The following WWOX variants were observed in gnomAD, a reference collection of about 807,000 sequenced individuals.
The protein encoded by WWOX is WW domain-containing oxidoreductase.
A neutral mutation model predicts 46.2 loss-of-function variants in WWOX; 69 were observed. That is an observed-to-expected ratio of 1.49 (90% CI 1.23 to 1.82). The LOEUF (loss-of-function observed/expected upper bound fraction) is 1.82, where lower values mean the gene tolerates loss of function less well. Ranked by LOEUF, WWOX falls within the 40% of genes most tolerant of loss-of-function variation. The pLI is 0.00. For synonymous variants in WWOX, 359 were observed against 202.6 expected, an observed-to-expected ratio of 1.77 and a Z score of -6.56; for missense variants, 919 against 542.6, an observed-to-expected ratio of 1.69 and a Z score of -6.89.
At chr16:78,468,073 C>G (rs964438591) in intron 8 of WWOX, among the ~76,000 whole-genome samples, 1 of 152,128 alleles carries the variant, frequency 6.6e-6, no homozygotes, top group Non-Finnish European at 1.5e-5. Context: ...CCAATCAAAA[C>G]TGACATTTTC....
At chr16:78,186,158 T>C (rs2035696221) in intron 5 of WWOX, among the ~76,000 whole-genome samples, 2 of 152,272 alleles carry the variant, frequency 1.3e-5, no homozygotes, top group Non-Finnish European at 2.9e-5. Flanking sequence ...ATTTTTATAT[T>C]AGTTCCATGC....
intron 8 of WWOX, among the ~76,000 whole-genome samples, chr16:78,993,118 G>T (rs186970108): frequency 6.6e-6 from 1 of 152,042 alleles, no homozygotes; most frequent in Admixed American, 6.6e-5. Flanking sequence ...TGTGATGTGT[G>T]TTTAAATTAC....
In WWOX at chr16:78,609,518, GT is replaced by G. The variant is rs2548878; in HGVS notation, c.1056+176777del. Among the ~76,000 whole-genome samples the G allele has an allele frequency of 1.6e-3, 233 of 146,714 alleles. 2 individuals carry two copies. In the East Asian group the frequency reaches 0.023, roughly 15 times the overall value. ...TCTGGTCAAGTCACATGCCTCTGAG[GT>G]TTTTTTTTTTCTTTCTTTCTTTTCT... On this transcript the variant is annotated intron_variant, in intron 8 of 8. Coordinates refer to ENST00000566780, the MANE Select transcript of WWOX (RefSeq NM_016373.4).
chr16:79,194,277 C>T (rs1044988027), intron 8 of WWOX, among the ~76,000 whole-genome samples: 10 of 152,094 alleles, frequency 6.6e-5, no homozygotes, highest in African/African-American at 2.2e-4. Flanking sequence ...ATATATTTTT[C>T]CTTTGGCCTT....
At chr16:78,852,536 T>C (rs553671529) in intron 8 of WWOX, among the ~76,000 whole-genome samples, 2 of 152,214 alleles carry the variant, frequency 1.3e-5, no homozygotes, top group East Asian at 1.9e-4. Context: ...CTTTAAACTT[T>C]TGGATGACCA....
intron 8 of WWOX, chr16:78,873,339 C>G (rs1238464295): frequency 6.6e-6 from 1 of 152,166 alleles, no homozygotes; most frequent in Non-Finnish European, 1.5e-5. Context: ...TATCAGAGAT[C>G]TGGTCATCAC....
intron 8 of WWOX, among the ~76,000 whole-genome samples, chr16:79,128,492 A>T (rs1237288232): frequency 6.6e-6 from 1 of 152,160 alleles, no homozygotes; most frequent in Non-Finnish European, 1.5e-5. Flanking sequence ...AGGCTCAGAG[A>T]GGTTAAATAA....
At chr16:78,674,443 C>T (rs936138720) in intron 8 of WWOX, among the ~76,000 whole-genome samples, 1 of 152,182 alleles carries the variant, frequency 6.6e-6, no homozygotes, top group East Asian at 1.9e-4. Flanking sequence ...CGCCACCATG[C>T]CCAGCTAATT....
At chr16:78,761,964 A>T (rs749619023) in intron 8 of WWOX, among the ~76,000 whole-genome samples, 1 of 152,136 alleles carries the variant, frequency 6.6e-6, no homozygotes, top group African/African-American at 2.4e-5. Flanking sequence ...CACCTAGGAA[A>T]TGTTTGAGAA....
At chr16:78,261,793 T>G (rs1306164731) in intron 5 of WWOX, among the ~76,000 whole-genome samples, 1,404 of 62,258 alleles carry the variant, frequency 0.023, 35 homozygotes, top group South Asian at 0.1. Context: ...TCTATCTATA[T>G]ATATATATAT....
At chr16:78,843,912 C>G (rs920631179) in intron 8 of WWOX, among the ~76,000 whole-genome samples, 3 of 152,116 alleles carry the variant, frequency 2.0e-5, no homozygotes, top group African/African-American at 7.2e-5. Context: ...GCTGTCCACT[C>G]GGTTCCTAAT....
intron 8 of WWOX, among the ~76,000 whole-genome samples, chr16:78,588,564 C>G (rs898904859): frequency 1.3e-5 from 2 of 152,136 alleles, no homozygotes; most frequent in African/African-American, 4.8e-5. Context: ...CTTGCAGAAG[C>G]TGCCTGGAGG....
At chr16:78,578,950 CTT>C (rs2044976595) in intron 8 of WWOX, among the ~76,000 whole-genome samples, 1 of 152,144 alleles carries the variant, frequency 6.6e-6, no homozygotes, top group Non-Finnish European at 1.5e-5. Flanking sequence ...TACTTATGAA[CTT>C]TCTTGCTTTT....
At chr16:78,182,294 C>G (rs1193694640) in intron 5 of WWOX, among the ~76,000 whole-genome samples, 1 of 152,120 alleles carries the variant, frequency 6.6e-6, no homozygotes, top group African/African-American at 2.4e-5. Flanking sequence ...TTTCCAAGTG[C>G]TGGCAAAGAA....
chr16:78,702,022 T>TAA (rs1282251773), intron 8 of WWOX, among the ~76,000 whole-genome samples: 2 of 120,528 alleles, frequency 1.7e-5, no homozygotes, highest in Non-Finnish European at 3.2e-5. Flanking sequence ...TATATATATA[T>TAA]ATATATATAT....
chr16:79,017,844 G>C (rs185261397), intron 8 of WWOX, among the ~76,000 whole-genome samples: 1 of 152,238 alleles, frequency 6.6e-6, no homozygotes, highest in South Asian at 2.1e-4. Context: ...ACATAAACAG[G>C]CTGGTGGGCT....
chr16:78,371,665 T>C (rs1394354500), intron 5 of WWOX, among the ~76,000 whole-genome samples: 5 of 152,218 alleles, frequency 3.3e-5, no homozygotes, highest in African/African-American at 1.2e-4. Flanking sequence ...TTTCCCTTTA[T>C]GCATCATCCA....
At chr16:78,823,278 C>T (rs913778069) in intron 8 of WWOX, among the ~76,000 whole-genome samples, 23 of 152,246 alleles carry the variant, frequency 1.5e-4, no homozygotes, top group African/African-American at 5.3e-4. Flanking sequence ...GCAGCTGGGG[C>T]GGCTGGCGGG....
chr16:78,883,766 T>C (rs533370144), intron 8 of WWOX, among the ~76,000 whole-genome samples: 3 of 151,602 alleles, frequency 2.0e-5, no homozygotes, highest in Non-Finnish European at 4.4e-5. Context: ...AAGCGTACCA[T>C]GGTCATGTGA....
Sources: gnomAD v4.1 joint callset for allele counts (sites outside exome capture counted in the v4.1 genomes callset) on GRCh38, gnomAD v4.1.1 for gene constraint, MANE v1.5 for transcripts, NCBI Gene and HGNC (gene_info 2026-07-23, HGNC 2026-07-21) for gene names.